Variants in KHDRBS3 observed in about 807,000 individuals in gnomAD.
The protein encoded by KHDRBS3 is KH RNA binding domain containing, signal transduction associated 3, also known as KH domain-containing, RNA-binding, signal transduction-associated protein 3.
Under a neutral mutation model 45.6 loss-of-function variants are expected in KHDRBS3, and 23 were observed. The observed-to-expected ratio is 0.50, with a 90% CI of 0.36 to 0.72. KHDRBS3 has a LOEUF of 0.72. KHDRBS3 is among the 30% of genes least tolerant of loss of function. KHDRBS3 has a pLI of 0.00. For missense variants in KHDRBS3, 352 were observed against 424.8 expected, an observed-to-expected ratio of 0.83 and a Z score of 1.51; for synonymous variants, 162 against 156.5, an observed-to-expected ratio of 1.04 and a Z score of -0.26.
At chr8:135,484,046 G>A (rs1410576187) in intron 1 of KHDRBS3, among the ~76,000 whole-genome samples, 1 of 152,172 alleles carries the variant, frequency 6.6e-6, no homozygotes, top group African/African-American at 2.4e-5. Context: ...CCTGGGGGAA[G>A]TAATTTAACC....
intron 7 of KHDRBS3, among the ~76,000 whole-genome samples, chr8:135,621,575 T>C (rs2131089848): frequency 6.6e-6 from 1 of 152,338 alleles, no homozygotes; most frequent in African/African-American, 2.4e-5. Context: ...CATCCTGTTT[T>C]GTTCATCAAC....
intron 1 of KHDRBS3, among the ~76,000 whole-genome samples, chr8:135,460,636 G>A (rs1821382704): frequency 6.6e-6 from 1 of 152,218 alleles, no homozygotes; most frequent in Non-Finnish European, 1.5e-5. Flanking sequence ...TGACTTAAAT[G>A]TGTAGGAAAT....
intron 7 of KHDRBS3, among the ~76,000 whole-genome samples, chr8:135,618,242 TTTAAG>T (rs1359332983): frequency 6.6e-6 from 1 of 152,184 alleles, no homozygotes; most frequent in African/African-American, 2.4e-5. Flanking sequence ...TGCGAATATA[TTTAAG>T]AGCCCTTTAA....
intron 4 of KHDRBS3, among the ~76,000 whole-genome samples, chr8:135,553,318 T>C (rs1826706382): frequency 6.6e-6 from 1 of 152,164 alleles, no homozygotes; most frequent in South Asian, 2.1e-4. Flanking sequence ...AATGGTTACT[T>C]TGAACCATTT....
At chr8:135,607,144 GC>G in intron 7 of KHDRBS3, 107 bp downstream of exon 7, 1 of 781,110 alleles carries the variant, frequency 1.3e-6, no homozygotes, top group Non-Finnish European at 2.0e-6. Context: ...TAATTGGCTT[GC>G]CCTGTTTTTG....
intron 4 of KHDRBS3, among the ~76,000 whole-genome samples, chr8:135,653,320 G>A (rs1831467684): frequency 6.6e-6 from 1 of 152,140 alleles, no homozygotes; most frequent in African/African-American, 2.4e-5. Context: ...GACATAGTGG[G>A]AACTGACAGG....
At chr8:135,600,652 A>G (rs1414628603) in intron 6 of KHDRBS3, among the ~76,000 whole-genome samples, 1 of 152,220 alleles carries the variant, frequency 6.6e-6, no homozygotes, top group Non-Finnish European at 1.5e-5. Context: ...AAAGGGATAA[A>G]ACATCTTTGC....
intron 5 of KHDRBS3, among the ~76,000 whole-genome samples, chr8:135,571,806 G>A (rs558733300): frequency 4.7e-4 from 72 of 152,152 alleles, no homozygotes; most frequent in South Asian, 1.5e-3. Flanking sequence ...CTTACTCACT[G>A]TGTGGCCTTG....
chr8:135,491,624 T>C (rs902587203), intron 1 of KHDRBS3, among the ~76,000 whole-genome samples: 1 of 152,134 alleles, frequency 6.6e-6, no homozygotes. Context: ...GCAGTGGTTT[T>C]CTTGGTTGGA....
At chr8:135,639,035 G>A (rs903211467) in intron 7 of KHDRBS3, among the ~76,000 whole-genome samples, 2 of 151,918 alleles carry the variant, frequency 1.3e-5, no homozygotes, top group African/African-American at 4.8e-5. Context: ...CATCCTGGGA[G>A]CAAAGTGAAG....
At chr8:135,494,598 G>T (rs1194191083) in intron 1 of KHDRBS3, among the ~76,000 whole-genome samples, 3 of 152,048 alleles carry the variant, frequency 2.0e-5, no homozygotes, top group African/African-American at 7.2e-5. Context: ...TGTTTCTTGA[G>T]CCTGATTTAC....
At position 135,548,800 on chromosome 8, in the gene KHDRBS3, A is replaced by G. The variant is rs778404555; in HGVS notation, c.371A>G (p.Asn124Ser). 47 of 1,591,920 alleles carry G rather than the reference A, an allele frequency of 3.0e-5. No individual in the cohort carries two copies. Among genetic ancestry groups the G allele is most frequent in the South Asian group, 1.7e-4 (15 of 86,434 alleles). Residue 124 changes from asparagine (N) to serine (S), a missense_variant, in exon 4 of 9, where the codon AAT (asparagine) becomes AGT (serine). This residue lies in a region of KHDRBS3 where 46 missense variants were observed against 45.9 expected (regional missense o/e 1.00). Coordinates refer to ENST00000355849, the MANE Select transcript of KHDRBS3 (RefSeq NM_006558.3). The stretch of plus-strand genomic sequence containing the variant: ...GGAGAAGCGAAGTACTTCCATCTCA[A>G]TGATGATCTCCATGTTCTCATTGAA... ...KSGEAKYFHL[N>S]DDLHVLIEVF... is the part of the protein sequence containing the mutation.
intron 1 of KHDRBS3, among the ~76,000 whole-genome samples, chr8:135,516,149 G>C (rs764700807): frequency 4.6e-5 from 7 of 152,192 alleles, no homozygotes; most frequent in Non-Finnish European, 7.3e-5. Context: ...ACAATGGTAA[G>C]TATTTTGTGT....
chr8:135,533,183 A>G (rs1825567292), intron 2 of KHDRBS3, among the ~76,000 whole-genome samples: 1 of 152,188 alleles, frequency 6.6e-6, no homozygotes, highest in Admixed American at 6.5e-5. Flanking sequence ...GCTAGTTTTA[A>G]TTAAACATGT....
intron 7 of KHDRBS3, among the ~76,000 whole-genome samples, chr8:135,619,527 A>G (rs989475543): frequency 1.3e-5 from 2 of 152,208 alleles, no homozygotes; most frequent in Non-Finnish European, 2.9e-5. Context: ...TGGGCAAGTT[A>G]TTTAACCTGT....
chr8:135,567,264 C>T (rs754063897), intron 5 of KHDRBS3, among the ~76,000 whole-genome samples: 1 of 151,984 alleles, frequency 6.6e-6, no homozygotes, highest in Non-Finnish European at 1.5e-5. Flanking sequence ...ATCCTAGATA[C>T]AGAGAATAAA....
At chr8:135,616,275 C>T (rs909929489) in intron 7 of KHDRBS3, among the ~76,000 whole-genome samples, 1 of 152,284 alleles carries the variant, frequency 6.6e-6, no homozygotes, top group Middle Eastern at 3.4e-3. Flanking sequence ...ATACTGTTCT[C>T]TTTGAGATCA....
intron 6 of KHDRBS3, 114 bp downstream of exon 6, chr8:135,582,187 C>G (rs751905683): frequency 3.0e-5 from 32 of 1,063,106 alleles, no homozygotes; most frequent in Non-Finnish European, 3.9e-5. Context: ...CTTGAGTATT[C>G]TACTTTGTTT....
At chr8:135,630,976 C>T (rs1439633582) in intron 7 of KHDRBS3, among the ~76,000 whole-genome samples, 1 of 152,028 alleles carries the variant, frequency 6.6e-6, no homozygotes, top group African/African-American at 2.4e-5. Flanking sequence ...CGGCCGGGCG[C>T]GGTGGCTCAC....
Sources: allele counts gnomAD v4.1 joint callset (sites outside exome capture counted in the v4.1 genomes callset), GRCh38; gene constraint gnomAD v4.1.1; regional missense constraint gnomAD v4.1.1; transcripts MANE v1.5; gene names NCBI Gene and HGNC (gene_info 2026-07-23, HGNC 2026-07-21).